SEPTIN1: variants seen among roughly 807,000 people sequenced by gnomAD.
SEPTIN1 encodes septin-1.
SEPTIN1 carries 52 observed loss-of-function variants against 50.7 expected under a neutral mutation model. The observed-to-expected ratio is 1.03, with a 90% CI of 0.82 to 1.29. The LOEUF is 1.29. Among genes scored for constraint, SEPTIN1 ranks in the 50% most tolerant of loss-of-function variants. The pLI, the probability that SEPTIN1 is intolerant of heterozygous loss-of-function variation, is 0.00. For synonymous variants in SEPTIN1, 204 were observed against 189.1 expected, an observed-to-expected ratio of 1.08 and a Z score of -0.65; for missense variants, 455 against 490.7, an observed-to-expected ratio of 0.93 and a Z score of 0.69.
chr16:30,379,128 T>G lies in SEPTIN1; in HGVS notation c.831A>C (p.Thr277=), dbSNP rs1028333487. The G allele has an allele frequency of 2.5e-6, 4 of 1,613,804 alleles. No individual in the cohort carries two copies. Among genetic ancestry groups the G allele is most frequent in the Non-Finnish European group, 3.4e-6 (4 of 1,179,912 alleles). ...TCACCTCTTTCAGGTCCTGCAGGTGTGTCTGCACCAGCATCCGTCGCAGGT... is the reference window on the plus strand; with the variant it reads ...TCACCTCTTTCAGGTCCTGCAGGTGGGTCTGCACCAGCATCCGTCGCAGGT... ...FLNLRRMLVQ[T]HLQDLKEVTH... is the part of the protein sequence containing the mutation. The change falls in exon 9 of 11, where the codon ACA becomes ACC. Residue 277 remains threonine, a synonymous_variant. Transcript: ENST00000321367.
At position 30,378,347 on chromosome 16, in the gene SEPTIN1, G is replaced by A; in HGVS notation, c.*87C>T. The A allele has an allele frequency of 1.5e-6, 2 of 1,291,216 alleles. No homozygotes were observed. The highest frequency in any genetic ancestry group is 2.1e-6 in the Non-Finnish European group (2 of 958,100). The allele number at this position is 1,291,216 out of a possible 1,614,324, so 80.0% of individuals were successfully genotyped here. A position where few individuals can be genotyped will look rare whatever the true frequency, so the allele number is the denominator to read the frequency against. ...CGAGGGCGGCACCCGCGGAGGTCCC[G>A]GGGGGCGCTGGGCAGTGTGGGGCGC... On this transcript the variant is annotated 3_prime_UTR_variant, in exon 11 of 11. Coordinates refer to ENST00000321367, the MANE Select transcript of SEPTIN1 (RefSeq NM_001365977.2).
rs1447402140 is a variant in SEPTIN1, at chr16:30,382,063, A to T, written c.196+30T>A. On this transcript the variant is annotated intron_variant, in intron 3 of 10. Transcript: ENST00000321367. This position sits in a 1 kb window ranked among gnomAD's most constrained non-coding sequence, Gnocchi z 4.8. ...AGGGTGTAACCTGGGGACAGGGGCTACTGCCTCAAGAGGGTGGGGAGGGTC... is the reference window on the plus strand; with the variant it reads ...AGGGTGTAACCTGGGGACAGGGGCTTCTGCCTCAAGAGGGTGGGGAGGGTC... 1.3e-6 allele frequency: 2 copies of T among 1,580,072 alleles called. No homozygotes were observed. Among genetic ancestry groups the T allele is most frequent in the Non-Finnish European group, 1.7e-6 (2 of 1,161,512 alleles).
At chr16:30,379,256 T>C (rs1418726580) in intron 8 of SEPTIN1, 73 bp from the exon 9 acceptor site, 1 of 1,574,578 alleles carries the variant, frequency 6.4e-7, no homozygotes, top group African/African-American at 1.3e-5. Flanking sequence ...GGGTCGGGTC[T>C]ACAGGAAAGT....
intron 7 of SEPTIN1, 195 bp from the exon 8 acceptor site, chr16:30,379,729 C>T (rs1410835852): frequency 1.2e-5 from 7 of 582,832 alleles, no homozygotes; most frequent in Non-Finnish European, 2.1e-5. Context: ...GCCTCAGCCT[C>T]CCGAGTAGCT....
In SEPTIN1 at chr16:30,381,280, G is replaced by T. The variant is rs745970100; in HGVS notation, c.456-36C>A. 30 of 1,612,996 alleles carry T rather than the reference G, an allele frequency of 1.9e-5. No individual in the cohort carries two copies. Among genetic ancestry groups the T allele is most frequent in the South Asian group, 1.4e-4 (13 of 91,052 alleles). ...GGATTGGTCATTGCCCAGCCTCAGG[G>T]GGCAGAGACCCCCCAGCCCTCCCTA... On this transcript the variant is annotated intron_variant, in intron 5 of 10. Transcript: ENST00000321367. This position sits in a 1 kb window ranked among gnomAD's most constrained non-coding sequence, Gnocchi z 4.3.
chr16:30,380,690 C>T (rs75460591), intron 6 of SEPTIN1: 3,849 of 175,408 alleles, frequency 0.022, 69 homozygotes, highest in Non-Finnish European at 0.034. Flanking sequence ...GGATCACTTG[C>T]GCCTACAAGT....
chr16:30,378,633 G>C lies in SEPTIN1; in HGVS notation c.1009C>G (p.Leu337Val). ...PMLPLADTEK[L>V]IREKDEELRR... ...ACCTCTTCGTCTTTCTCGCGGATCA[G>C]CTTCTCGGTGTCCGCCAGAGGCAGC... Residue 337 changes from leucine (L) to valine (V), a missense_variant, in exon 10 of 11, where the codon CTG becomes GTG. By Grantham distance (32) the Leu-to-Val change is conservative. Coordinates refer to ENST00000321367, the MANE Select transcript of SEPTIN1 (RefSeq NM_001365977.2). 2.5e-6 allele frequency: 4 copies of C among 1,611,034 alleles called. No homozygotes were observed. The highest frequency in any genetic ancestry group is 2.5e-6 in the Non-Finnish European group (3 of 1,179,962).
chr16:30,381,976 C>T lies in SEPTIN1; in HGVS notation c.197-93G>A. On this transcript the variant is annotated intron_variant, in intron 3 of 10. Coordinates refer to ENST00000321367, the MANE Select transcript of SEPTIN1 (RefSeq NM_001365977.2). This position sits in a 1 kb window ranked among gnomAD's most constrained non-coding sequence, Gnocchi z 4.3. ...ATCACAGTTGCCTGCACCCATTTCC[C>T]AGGGGAGGAAAGTCTCAGAAAAAAA... 1.2e-6 allele frequency: 2 copies of T among 1,604,078 alleles called. No individual in the cohort carries two copies. The highest frequency in any genetic ancestry group is 4.5e-5 in the East Asian group (2 of 44,800).
chr16:30,382,031 A>C lies in SEPTIN1; in HGVS notation c.196+62T>G. On this transcript the variant is annotated intron_variant, in intron 3 of 10. Transcript: ENST00000321367. The surrounding 1 kb of genome is among the most constrained non-coding windows in gnomAD (Gnocchi z 4.8). ...TCAACTACCTGAGTCCCCAGATGGA[A>C]AAGACTAGGGTGTAACCTGGGGACA... 3 of 1,596,206 alleles carry C rather than the reference A, an allele frequency of 1.9e-6. No homozygotes were observed. The highest frequency in any genetic ancestry group is 1.7e-6 in the Non-Finnish European group (2 of 1,168,512).
Position 30,380,029 on chromosome 16 carries a change from C to G in SEPTIN1, c.578G>C (p.Arg193Pro), listed in dbSNP as rs764119149. The change falls in exon 7 of 11, where the codon CGG (arginine) becomes CCG (proline). Residue 193 changes from arginine (R) to proline (P), a missense_variant. By Grantham distance (103) the Arg-to-Pro change is moderately radical. Transcript: ENST00000321367. ...GATCTCCTCTTCCTTCAACTGATCC[C>G]GGATCTCAGGGGAAACAGATATAGA... ...QETQALKQKIRDQLKEEEIHI... is the reference protein window; with the variant it reads ...QETQALKQKIPDQLKEEEIHI... 1.2e-6 allele frequency: 2 copies of G among 1,609,608 alleles called. No homozygotes were observed. The highest frequency in any genetic ancestry group is 4.5e-5 in the East Asian group (2 of 44,660).
At chr16:30,382,598 G>A, upstream of SEPTIN1, 3 of 1,558,458 alleles carry the variant, frequency 1.9e-6, no homozygotes, top group South Asian at 1.2e-5. The surrounding 1 kb of genome is among the most constrained non-coding windows in gnomAD (Gnocchi z 4.8). Flanking sequence ...GCTGAGTGCG[G>A]CTAACAAGGG....
chr16:30,381,635 C>T lies in SEPTIN1; in HGVS notation c.320+125G>A. 1 of 1,494,406 alleles carries T rather than the reference C, an allele frequency of 6.7e-7. No individual in the cohort carries two copies. The highest frequency in any genetic ancestry group is 9.1e-7 in the Non-Finnish European group (1 of 1,099,920). 92.6% of individuals were successfully genotyped at this position (1,494,406 alleles called of 1,614,324 possible). On this transcript the variant is annotated intron_variant, in intron 4 of 10. Transcript: ENST00000321367. The surrounding 1 kb of genome is among the most constrained non-coding windows in gnomAD (Gnocchi z 4.3). Reference sequence around the variant, plus strand: ...GGTGAGTCATCAAGAAGCACAGGGACCCAGTGGCCCTCTGAAACAGACACC... The same window carrying T: ...GGTGAGTCATCAAGAAGCACAGGGATCCAGTGGCCCTCTGAAACAGACACC...
At chr16:30,379,411 G>T in intron 8 of SEPTIN1, 24 bp downstream of exon 8, 1 of 1,602,108 alleles carries the variant, frequency 6.2e-7, no homozygotes. Context: ...GCTGGCCTTA[G>T]GACCCCTGCC....
In SEPTIN1 at chr16:30,381,398, C is replaced by T. The variant is rs201727283; in HGVS notation, c.396G>A (p.Lys132=). ...AGTGGACTCGGGAGTCCTGGATGTT[C>T]TTCCGGTTCAGGCCACTCTCATCCC... ...YLRDESGLNR[K]NIQDSRVHCC... The change falls in exon 5 of 11, where the codon AAG becomes AAA. Residue 132 remains lysine, a synonymous_variant. Transcript: ENST00000321367. This position sits in a 1 kb window ranked among gnomAD's most constrained non-coding sequence, Gnocchi z 4.3. 9 of 1,613,720 alleles carry T rather than the reference C, an allele frequency of 5.6e-6. No individual in the cohort carries two copies. In the East Asian group the frequency reaches 8.9e-5, roughly 16 times the overall value.
In SEPTIN1 at chr16:30,378,384, A is replaced by C. The variant is rs1181064379; in HGVS notation, c.*50T>G. On this transcript the variant is annotated 3_prime_UTR_variant, in exon 11 of 11. Transcript: ENST00000321367. Reference sequence around the variant, plus strand: ...GCAGTGTGGGGCGCGGGGATTGGACAAGAGGCCGACTGAAGGCGGAGCCGA... The same window carrying C: ...GCAGTGTGGGGCGCGGGGATTGGACCAGAGGCCGACTGAAGGCGGAGCCGA... 1 of 1,494,330 alleles carries C rather than the reference A, an allele frequency of 6.7e-7. No homozygotes were observed. The highest frequency in any genetic ancestry group is 2.4e-5 in the East Asian group (1 of 41,964). The allele number at this position is 1,494,330 out of a possible 1,614,324, so 92.6% of individuals were successfully genotyped here.
Position 30,381,271 on chromosome 16 carries a change from A to G in SEPTIN1, c.456-27T>C. 1 of 1,612,584 alleles carries G rather than the reference A, an allele frequency of 6.2e-7. No individual in the cohort carries two copies. Among genetic ancestry groups the G allele is most frequent in the Non-Finnish European group, 8.5e-7 (1 of 1,178,612 alleles). On this transcript the variant is annotated intron_variant, in intron 5 of 10. Coordinates refer to ENST00000321367, the MANE Select transcript of SEPTIN1 (RefSeq NM_001365977.2). The surrounding 1 kb of genome is among the most constrained non-coding windows in gnomAD (Gnocchi z 4.3). ...TGCACCCAGGGATTGGTCATTGCCC[A>G]GCCTCAGGGGGCAGAGACCCCCCAG...
Position 30,379,080 on chromosome 16 carries a change from G to C in SEPTIN1, c.879C>G (p.Gly293=). ...GGCTCTGTAGGCAGCGGGCCCGGTA[G>C]CCCTCGTAGAGCAGATCGTGCGTCA... is the stretch of plus-strand genomic sequence containing the variant. The part of the protein sequence containing the change: ...KEVTHDLLYE[G]YRARCLQSLA... The change falls in exon 9 of 11, where the codon GGC becomes GGG. Residue 293 remains glycine (G), a synonymous_variant. Coordinates refer to ENST00000321367, the MANE Select transcript of SEPTIN1 (RefSeq NM_001365977.2). 6.2e-7 allele frequency: 1 copy of C among 1,614,076 alleles called. No individual in the cohort carries two copies. Among genetic ancestry groups the C allele is most frequent in the Non-Finnish European group, 8.5e-7 (1 of 1,179,992 alleles).
chr16:30,378,871 GGAGAGAGGGAGGGAGGGA>G, intron 9 of SEPTIN1, 129 bp downstream of exon 9: 1 of 708,032 alleles, frequency 1.4e-6, no homozygotes, highest in Non-Finnish European at 2.3e-6. Flanking sequence ...AGGGAGAGAC[GGAGAGAGGGAGGGAGGGA>G]GGGAGGGAGG....
intron 9 of SEPTIN1, 23 bp downstream of exon 9, chr16:30,378,995 A>G (rs755512018): frequency 6.2e-7 from 1 of 1,608,140 alleles, no homozygotes; most frequent in Non-Finnish European, 8.5e-7. Context: ...GGAGGCTCTG[A>G]TACTGTCCGC....
Sources: gnomAD v4.1 joint callset for allele counts on GRCh38, gnomAD v4.1.1 for gene constraint, Gnocchi (gnomAD v3.1) non-coding constraint, MANE v1.5 for transcripts, NCBI Gene and HGNC (gene_info 2026-07-23, HGNC 2026-07-21) for gene names.